Variants in CACNA1C observed in about 807,000 individuals in gnomAD.
The protein encoded by CACNA1C is calcium voltage-gated channel subunit alpha1 C.
Under a neutral mutation model 229.0 loss-of-function variants are expected in CACNA1C, and 30 were observed. That is an observed-to-expected ratio of 0.13 (90% CI 0.10 to 0.18). The LOEUF (loss-of-function observed/expected upper bound fraction) is 0.18, where lower values mean the gene tolerates loss of function less well. Among genes scored for constraint, CACNA1C ranks in the 10% least tolerant of loss-of-function variants. The pLI, the probability that CACNA1C is intolerant of heterozygous loss-of-function variation, is 1.00. For synonymous variants in CACNA1C, 1,114 were observed against 1,132.5 expected (o/e 0.98, Z 0.33); for missense variants, 1,658 against 2,845.0 (o/e 0.58, Z 9.49).
intron 1 of CACNA1C, among the ~76,000 whole-genome samples, chr12:2,062,438 T>C (rs2154517644): frequency 6.6e-6 from 1 of 152,314 alleles, no homozygotes; most frequent in African/African-American, 2.4e-5. Context: ...TTTCAAAACA[T>C]TTGCTCTTTC....
intron 3 of CACNA1C, among the ~76,000 whole-genome samples, chr12:2,176,480 G>C (rs1232434079): frequency 6.6e-6 from 1 of 151,978 alleles, no homozygotes; most frequent in Non-Finnish European, 1.5e-5. Context: ...GAGAAGTCAA[G>C]TAAGGGTAGA....
intron 14 of CACNA1C, among the ~76,000 whole-genome samples, 166 bp from the exon 15 acceptor site, chr12:2,582,656 A>G (rs759880259): frequency 6.6e-6 from 1 of 152,174 alleles, no homozygotes; most frequent in African/African-American, 2.4e-5. Context: ...AGGACAGTTC[A>G]ATAGCTCAGA....
intron 3 of CACNA1C, among the ~76,000 whole-genome samples, chr12:2,342,436 T>C (rs2096892324): frequency 6.6e-6 from 1 of 152,190 alleles, no homozygotes; most frequent in African/African-American, 2.4e-5. Context: ...AATCCACAAA[T>C]ATTGAATATC....
chr12:2,562,393 A>C (rs1015288694), intron 11 of CACNA1C, among the ~76,000 whole-genome samples: 1 of 152,256 alleles, frequency 6.6e-6, no homozygotes, highest in African/African-American at 2.4e-5. Context: ...GTATCTATTT[A>C]AAACATGTTC....
chr12:2,583,028 G>A (rs193217953), intron 15 of CACNA1C, 86 bp downstream of exon 15: 3 of 977,212 alleles, frequency 3.1e-6, no homozygotes, highest in Non-Finnish European at 4.7e-6. Context: ...CCTCAGGTCC[G>A]GGCGGTCCTG....
In CACNA1C at chr12:2,054,928, G is replaced by GCTCCACC. The variant is rs548416379; in HGVS notation, c.49+1318_49+1324dup. Among the ~76,000 whole-genome samples the GCTCCACC allele has an allele frequency of 3.1e-3, 471 of 152,320 alleles. 5 individuals carry two copies. The highest frequency in any genetic ancestry group is 0.024 in the Middle Eastern group (7 of 294). On this transcript the variant is annotated intron_variant, in intron 1 of 46. Transcript: ENST00000399655. The surrounding 1 kb of genome is among the most constrained non-coding windows in gnomAD (Gnocchi z 5.5). Reference sequence around the variant, plus strand: ...AGCTTTTTCCCTCTGTTTGCTCCCAGCTCCACCTTTTGGGGACAGGGCCTT... The same window carrying GCTCCACC: ...AGCTTTTTCCCTCTGTTTGCTCCCAGCTCCACCCTCCACCTTTTGGGGACAGGGCCTT...
chr12:2,314,963 C>A (rs1419477981), intron 3 of CACNA1C, among the ~76,000 whole-genome samples: 1 of 152,144 alleles, frequency 6.6e-6, no homozygotes, highest in Non-Finnish European at 1.5e-5. Context: ...ATCTCCTCAG[C>A]CCCTGCCGAC....
At chr12:2,220,790 T>C (rs1395219645) in intron 3 of CACNA1C, 1 of 152,260 alleles carries the variant, frequency 6.6e-6, no homozygotes, top group Non-Finnish European at 1.5e-5. Context: ...GGATGAACTA[T>C]ATGCGAGGCA....
At chr12:2,642,466 G>A (rs904574195) in intron 30 of CACNA1C, among the ~76,000 whole-genome samples, 2 of 152,142 alleles carry the variant, frequency 1.3e-5, no homozygotes, top group Non-Finnish European at 2.9e-5. Context: ...CAGAAAGCTC[G>A]TAAAGCAAAG....
At chr12:1,981,949 C>G (rs189037493) in intron 1 of CACNA1C, among the ~76,000 whole-genome samples, 4 of 152,142 alleles carry the variant, frequency 2.6e-5, no homozygotes, top group Non-Finnish European at 5.9e-5. Context: ...GAGCATTAGG[C>G]AAGCGTGCAA....
rs2059494363 is a variant in CACNA1C, at chr12:2,067,015, A to G, written c.49+13404A>G. ...AAATCCACAAGGGTGCCCAGGTCCC[A>G]GAGGCACCGGCCGAGGTCTGGAAGC... On this transcript the variant is annotated intron_variant, in intron 1 of 46. Coordinates refer to ENST00000399655, the MANE Select transcript of CACNA1C (RefSeq NM_000719.7). This position sits in a 1 kb window ranked among gnomAD's most constrained non-coding sequence, Gnocchi z 5.3. 6.6e-6 allele frequency among the ~76,000 whole-genome samples: 1 copy of G among 152,156 alleles called. No homozygotes were observed. The highest frequency in any genetic ancestry group is 2.1e-4 in the South Asian group (1 of 4,822).
chr12:2,408,038 G>A (rs1595480985), intron 3 of CACNA1C, among the ~76,000 whole-genome samples: 1 of 152,340 alleles, frequency 6.6e-6, no homozygotes. Flanking sequence ...CAACTCTTTT[G>A]CCGGGGTGGC....
At chr12:2,404,649 G>C (rs917469047) in intron 3 of CACNA1C, among the ~76,000 whole-genome samples, 3 of 152,110 alleles carry the variant, frequency 2.0e-5, no homozygotes, top group African/African-American at 7.2e-5. Context: ...CCAGATGCAT[G>C]GGGGGCCCTG....
intron 14 of CACNA1C, 45 bp from the exon 15 acceptor site, chr12:2,582,776 GT>G: frequency 6.2e-7 from 1 of 1,601,350 alleles, no homozygotes; most frequent in Non-Finnish European, 8.5e-7. Flanking sequence ...TGGGTTTGCT[GT>G]TGGTCTAACG....
At chr12:2,070,893 T>TTCCTTCCTTTTCTCTC (rs940079927) in intron 1 of CACNA1C, among the ~76,000 whole-genome samples, 3 of 151,180 alleles carry the variant, frequency 2.0e-5, no homozygotes, top group African/African-American at 7.3e-5. Flanking sequence ...CCTTCCTTCC[T>TTCCTTCCTTTTCTCTC]TCCTTCCTTT....
intron 14 of CACNA1C, among the ~76,000 whole-genome samples, chr12:2,582,063 G>C (rs2060677221): frequency 1.3e-5 from 2 of 151,826 alleles, no homozygotes; most frequent in South Asian, 4.2e-4. Context: ...TTGAACCCAG[G>C]AGGCAGAGGT....
At chr12:2,357,308 A>C (rs544867298) in intron 3 of CACNA1C, among the ~76,000 whole-genome samples, 2 of 152,226 alleles carry the variant, frequency 1.3e-5, no homozygotes, top group Non-Finnish European at 2.9e-5. Context: ...AGTAGGTACT[A>C]GAGAGTGGAG....
intron 1 of CACNA1C, among the ~76,000 whole-genome samples, chr12:2,004,962 C>A (rs1449491157): frequency 3.3e-4 from 47 of 143,720 alleles, no homozygotes; most frequent in Middle Eastern, 3.6e-3. Context: ...TCTGCAAGGT[C>A]AAAAAAAAAA....
chr12:2,386,784 A>C (rs1333209699), intron 3 of CACNA1C, among the ~76,000 whole-genome samples: 3 of 152,216 alleles, frequency 2.0e-5, no homozygotes, highest in African/African-American at 7.2e-5. Context: ...GCATCCCAGC[A>C]GGGAGTGCAG....
Sources: allele counts gnomAD v4.1 joint callset (sites outside exome capture counted in the v4.1 genomes callset), GRCh38; gene constraint gnomAD v4.1.1; non-coding constraint Gnocchi (gnomAD v3.1); transcripts MANE v1.5; gene names NCBI Gene and HGNC (gene_info 2026-07-23, HGNC 2026-07-21).